The following PIP5K1C variants were observed in gnomAD, a reference collection of about 807,000 sequenced individuals.
PIP5K1C encodes the protein phosphatidylinositol 4-phosphate 5-kinase type-1 gamma.
PIP5K1C carries 45 observed loss-of-function variants against 80.1 expected under a neutral mutation model. The ratio of observed to expected loss-of-function variants is 0.56; its 90% CI spans 0.44 to 0.72. The LOEUF (loss-of-function observed/expected upper bound fraction) is 0.72. Among genes scored for constraint, PIP5K1C ranks in the 30% least tolerant of loss-of-function variants. PIP5K1C has a pLI of 0.00. For missense variants in PIP5K1C, 753 were observed against 954.6 expected, an observed-to-expected ratio of 0.79 and a Z score of 2.78; for synonymous variants, 498 against 420.1, an observed-to-expected ratio of 1.19 and a Z score of -2.27.
Position 3,637,944 on chromosome 19 carries a change from G to A in PIP5K1C, c.1920+940C>T. ...CGACGTGCGGTGGGTAGGGGCACAG[G>A]CACGCGGCCCGTCCCTCCCTTCTCC... On this transcript the variant is annotated intron_variant, in intron 16 of 17. Coordinates refer to ENST00000335312, the MANE Select transcript of PIP5K1C (RefSeq NM_012398.3). The surrounding 1 kb of genome is among the most constrained non-coding windows in gnomAD (Gnocchi z 7.0). 1 of 1,534,924 alleles carries A rather than the reference G, an allele frequency of 6.5e-7. No individual in the cohort carries two copies. Among genetic ancestry groups the A allele is most frequent in the South Asian group, 1.2e-5 (1 of 84,030 alleles).
In PIP5K1C at chr19:3,653,367, G is replaced by C; in HGVS notation, c.844C>G (p.Gln282Glu). Residue 282 changes from glutamine to glutamate, a missense_variant, in exon 7 of 18, where the codon CAG becomes GAG. Gln to Glu is a conservative substitution (Grantham distance 29). Coordinates refer to ENST00000335312, the MANE Select transcript of PIP5K1C (RefSeq NM_012398.3). ...AGCAGGAGCCCCTCGGGCATGTCCTGCATGAAGTCCAGGTCCTTGTAGGTG... is the reference window on the plus strand; with the variant it reads ...AGCAGGAGCCCCTCGGGCATGTCCTCCATGAAGTCCAGGTCCTTGTAGGTG... ...FPTYKDLDFMQDMPEGLLLDA... is the reference protein window; with the variant it reads ...FPTYKDLDFMEDMPEGLLLDA... 6.2e-7 allele frequency: 1 copy of C among 1,612,504 alleles called. No individual in the cohort carries two copies. Among genetic ancestry groups the C allele is most frequent in the Non-Finnish European group, 8.5e-7 (1 of 1,180,006 alleles).
intron 1 of PIP5K1C, among the ~76,000 whole-genome samples, chr19:3,699,241 G>A (rs73919332): frequency 0.07 from 10,676 of 151,440 alleles, 1,155 homozygotes; most frequent in African/African-American, 0.24. Flanking sequence ...AGAAAGGGGC[G>A]AGGCCACTGG....
At position 3,664,584 on chromosome 19, in the gene PIP5K1C, C is replaced by A. The variant is rs571490548; in HGVS notation, c.219+238G>T. On this transcript the variant is annotated intron_variant, in intron 3 of 17. Coordinates refer to ENST00000335312, the MANE Select transcript of PIP5K1C (RefSeq NM_012398.3). Reference sequence around the variant, plus strand: ...TTTCAGGGACTCAGAGCCGGGCAGGCGTTGCAGCCAGGCTGAGCCACAGAA... The same window carrying A: ...TTTCAGGGACTCAGAGCCGGGCAGGAGTTGCAGCCAGGCTGAGCCACAGAA... Among the ~76,000 whole-genome samples the A allele has an allele frequency of 3.2e-4, 48 of 152,316 alleles. 1 individual carries two copies. Among genetic ancestry groups the A allele is most frequent in the African/African-American group, 1.1e-3 (47 of 41,572 alleles).
intron 5 of PIP5K1C, among the ~76,000 whole-genome samples, chr19:3,660,703 C>T (rs2034804703): frequency 6.6e-6 from 1 of 152,112 alleles, no homozygotes; most frequent in Non-Finnish European, 1.5e-5. Flanking sequence ...GCTCTGATGA[C>T]AAGGCCCACA....
In PIP5K1C at chr19:3,656,507, A is replaced by G. The variant is rs2145463326; in HGVS notation, c.519T>C (p.Ser173=). The change falls in exon 6 of 18, where the codon AGT becomes AGC. Residue 173 remains serine, a synonymous_variant. Transcript: ENST00000335312. ...CGCTGGTGACGTAGAAGAGGGAGCC[A>G]CTGGCGCCCGGGTTGGACAGCTCGA... is the stretch of plus-strand genomic sequence containing the variant. ...PLIELSNPGA[S]GSLFYVTSDD... The G allele has an allele frequency of 6.2e-7, 1 of 1,613,852 alleles. No homozygotes were observed. The highest frequency in any genetic ancestry group is 1.1e-5 in the South Asian group (1 of 91,090).
rs568536277 is a variant in PIP5K1C, at chr19:3,633,642, C to T, written c.1921-122G>A. 9 of 608,718 alleles carry T rather than the reference C, an allele frequency of 1.5e-5. No homozygotes were observed. In the South Asian group the frequency reaches 1.7e-4, roughly 11 times the overall value. The allele number at this position is 608,718 out of a possible 1,614,324, so 37.7% of individuals were successfully genotyped here. A position where few individuals can be genotyped will look rare whatever the true frequency, so the allele number is the denominator to read the frequency against. ...AAAGAGGCGAATCCCCCATGGAAGA[C>T]GAGGGGTGGCTCAGCCCAGCTGCCC... is the stretch of plus-strand genomic sequence containing the variant. On this transcript the variant is annotated intron_variant, in intron 16 of 17. Transcript: ENST00000335312.
Position 3,631,860 on chromosome 19 carries a change from C to G in PIP5K1C, c.*1307G>C, listed in dbSNP as rs1009250213. ...CTGCCAGGTCTGGAGAGGAATTCTT[C>G]CCAAAGGTGCAGCTTCCACTCCAGC... On this transcript the variant is annotated 3_prime_UTR_variant, in exon 18 of 18. Coordinates refer to ENST00000335312, the MANE Select transcript of PIP5K1C (RefSeq NM_012398.3). 2 of 152,286 alleles carry G rather than the reference C, an allele frequency of 1.3e-5. No individual in the cohort carries two copies. The highest frequency in any genetic ancestry group is 4.8e-5 in the African/African-American group (2 of 41,466). The allele number at this position is 152,286 out of a possible 1,614,324, so 9.4% of individuals were successfully genotyped here.
At chr19:3,685,305 C>G (rs1455563868) in intron 1 of PIP5K1C, among the ~76,000 whole-genome samples, 1 of 152,188 alleles carries the variant, frequency 6.6e-6, no homozygotes, top group African/African-American at 2.4e-5. Context: ...AGAACTTTCT[C>G]CTAGACAACT....
rs1458197983 is a variant in PIP5K1C at position 3,642,829 on chromosome 19, TG to T, written c.1682+77del. ...GAGAATGGGCAGAGAGCAGAGGGGC[TG>T]GGGGGCGGGAAACGGAGCTGGGAGC... On this transcript the variant is annotated intron_variant, in intron 14 of 17. Coordinates refer to ENST00000335312, the MANE Select transcript of PIP5K1C (RefSeq NM_012398.3). 2.7e-5 allele frequency: 29 copies of T among 1,091,808 alleles called. No homozygotes were observed. In the Admixed American group the frequency reaches 4.7e-4, roughly 18 times the overall value. The allele number at this position is 1,091,808 out of a possible 1,614,324, so 67.6% of individuals were successfully genotyped here.
At chr19:3,684,885 G>A (rs1196956541) in intron 1 of PIP5K1C, among the ~76,000 whole-genome samples, 5 of 152,194 alleles carry the variant, frequency 3.3e-5, no homozygotes, top group East Asian at 1.9e-4. Flanking sequence ...CTGTAGACAC[G>A]TCACTCAGCA....
intron 1 of PIP5K1C, among the ~76,000 whole-genome samples, chr19:3,671,135 C>A (rs953009589): frequency 2.6e-5 from 4 of 152,210 alleles, no homozygotes; most frequent in African/African-American, 9.6e-5. Context: ...GCCCGGGCGT[C>A]CCCCTGCTCG....
At chr19:3,671,729 G>C (rs1218450832) in intron 1 of PIP5K1C, among the ~76,000 whole-genome samples, 1 of 152,152 alleles carries the variant, frequency 6.6e-6, no homozygotes, top group African/African-American at 2.4e-5. Flanking sequence ...GCACAGCCTT[G>C]CTGCCACCGC....
At chr19:3,698,941 C>T (rs1244482360) in intron 1 of PIP5K1C, among the ~76,000 whole-genome samples, 1 of 148,538 alleles carries the variant, frequency 6.7e-6, no homozygotes, top group African/African-American at 2.5e-5. Context: ...CCCCCCACCC[C>T]CACCCCCCCA....
intron 1 of PIP5K1C, among the ~76,000 whole-genome samples, chr19:3,693,660 G>T (rs185863495): frequency 3.3e-5 from 5 of 152,248 alleles, no homozygotes; most frequent in African/African-American, 1.2e-4. Flanking sequence ...CTGGAGCCTC[G>T]GTTTCCCCAT....
chr19:3,693,591 G>A (rs983234422), intron 1 of PIP5K1C, among the ~76,000 whole-genome samples: 1 of 152,210 alleles, frequency 6.6e-6, no homozygotes, highest in Admixed American at 6.5e-5. Flanking sequence ...CAGGCGGCAG[G>A]GAGGCCTGGG....
intron 1 of PIP5K1C, among the ~76,000 whole-genome samples, chr19:3,683,100 C>G (rs1446456192): frequency 6.6e-6 from 1 of 152,146 alleles, no homozygotes; most frequent in Non-Finnish European, 1.5e-5. Flanking sequence ...ATGTCACCTC[C>G]TCAGAGAGTC....
chr19:3,688,628 T>C lies in PIP5K1C; in HGVS notation c.94+11669A>G, dbSNP rs1184329779. Among the ~76,000 whole-genome samples, 2 of 152,082 alleles carry C rather than the reference T, an allele frequency of 1.3e-5. No individual in the cohort carries two copies. Among genetic ancestry groups the C allele is most frequent in the African/African-American group, 4.8e-5 (2 of 41,400 alleles). ...GCTGCTGAAATTGCCCCCCCAGGCA[T>C]TGTCCTCAGGTGGTTTCGTGTCCCT... On this transcript the variant is annotated intron_variant, in intron 1 of 17. Coordinates refer to ENST00000335312, the MANE Select transcript of PIP5K1C (RefSeq NM_012398.3). This position sits in a 1 kb window ranked among gnomAD's most constrained non-coding sequence, Gnocchi z 5.3.
chr19:3,676,160 G>A (rs532675067), intron 1 of PIP5K1C, among the ~76,000 whole-genome samples: 129 of 150,506 alleles, frequency 8.6e-4, no homozygotes, highest in African/African-American at 1.5e-3. Context: ...CCGCGTGACC[G>A]TCTCTAACCC....
rs564719169 is a variant in PIP5K1C at position 3,633,021 on chromosome 19, G to A, written c.*146C>T. ...CTTGTCGGGGAGGGGCCCGGCCGTC[G>A]GCATCCGTGCAGGGGGAGGACGAGG... On this transcript the variant is annotated 3_prime_UTR_variant, in exon 18 of 18. Transcript: ENST00000335312. 1.1e-4 allele frequency: 63 copies of A among 558,478 alleles called. 1 individual carries two copies. The highest frequency in any genetic ancestry group is 1.0e-3 in the African/African-American group (53 of 51,172). The allele number at this position is 558,478 out of a possible 1,614,324, so 34.6% of individuals were successfully genotyped here. A position where few individuals can be genotyped will look rare whatever the true frequency, so the allele number is the denominator to read the frequency against.
Sources: allele counts gnomAD v4.1 joint callset (sites outside exome capture counted in the v4.1 genomes callset), GRCh38; gene constraint gnomAD v4.1.1; non-coding constraint Gnocchi (gnomAD v3.1); transcripts MANE v1.5; gene names NCBI Gene and HGNC (gene_info 2026-07-23, HGNC 2026-07-21).